Variants in PTCHD4 observed in about 807,000 individuals in gnomAD.
The protein encoded by PTCHD4 is patched domain containing 4, also known as patched domain-containing protein 4.
PTCHD4 carries 33 observed loss-of-function variants against 58.1 expected under a neutral mutation model. That is an observed-to-expected ratio of 0.57 (90% CI 0.43 to 0.76). PTCHD4 has a LOEUF of 0.76. Among genes scored for constraint, PTCHD4 ranks in the 30% least tolerant of loss-of-function variants. PTCHD4 has a pLI of 0.00. For missense variants in PTCHD4, 1,058 were observed against 1,027.1 expected (o/e 1.03, Z -0.41); for synonymous variants, 478 against 409.6 (o/e 1.17, Z -2.02).
At chr6:48,041,831 ACT>A (rs1037684669) in intron 3 of PTCHD4, among the ~76,000 whole-genome samples, 5 of 151,212 alleles carry the variant, frequency 3.3e-5, no homozygotes, top group Admixed American at 6.6e-5. Flanking sequence ...TTTCTTTTTT[ACT>A]CTCTTTTTCT....
intron 4 of PTCHD4, among the ~76,000 whole-genome samples, chr6:47,939,924 C>G (rs1189806992): frequency 1.3e-5 from 2 of 152,038 alleles, no homozygotes; most frequent in Non-Finnish European, 2.9e-5. Context: ...TGCTGAACTC[C>G]ATACTTTCCA....
At chr6:48,077,449 C>T (rs1765081764) in intron 1 of PTCHD4, among the ~76,000 whole-genome samples, 1 of 152,144 alleles carries the variant, frequency 6.6e-6, no homozygotes, top group Non-Finnish European at 1.5e-5. Flanking sequence ...CTTACTACAG[C>T]TTTTTTATTA....
At chr6:47,905,402 T>C (rs1481501722) in intron 4 of PTCHD4, among the ~76,000 whole-genome samples, 1 of 152,148 alleles carries the variant, frequency 6.6e-6, no homozygotes, top group Non-Finnish European at 1.5e-5. Context: ...GGGTCTATGG[T>C]TTAATTCAGC....
intron 1 of PTCHD4, among the ~76,000 whole-genome samples, chr6:48,079,135 A>AAAC (rs1765116778): frequency 6.6e-6 from 1 of 151,318 alleles, no homozygotes; most frequent in African/African-American, 2.4e-5. Flanking sequence ...AAAAAAAAAA[A>AAAC]GAAATTGCAT....
chr6:48,059,972 A>C (rs937444195), intron 3 of PTCHD4, among the ~76,000 whole-genome samples: 3 of 152,190 alleles, frequency 2.0e-5, no homozygotes, highest in Admixed American at 2.0e-4. Context: ...TTGGTATTCT[A>C]TTCTCACAGC....
intron 4 of PTCHD4, among the ~76,000 whole-genome samples, chr6:47,886,687 C>T (rs1459415733): frequency 6.6e-6 from 1 of 152,170 alleles, no homozygotes; most frequent in Non-Finnish European, 1.5e-5. Context: ...CTCAGTCCAG[C>T]AAAGCAGATG....
intron 4 of PTCHD4, among the ~76,000 whole-genome samples, chr6:47,885,930 A>G (rs1581826671): frequency 6.6e-6 from 1 of 151,904 alleles, no homozygotes; most frequent in African/African-American, 2.4e-5. Context: ...GTAATTCTCC[A>G]GCCTTAGCCT....
intron 3 of PTCHD4, among the ~76,000 whole-genome samples, chr6:48,032,927 GT>G (rs375207258): frequency 7.0e-4 from 106 of 152,214 alleles, no homozygotes; most frequent in African/African-American, 2.5e-3. Context: ...TGGAATCGGT[GT>G]TTGATTTTGT....
At chr6:48,060,050 C>T (rs1025575718) in intron 3 of PTCHD4, among the ~76,000 whole-genome samples, 4 of 152,112 alleles carry the variant, frequency 2.6e-5, no homozygotes, top group Non-Finnish European at 5.9e-5. Flanking sequence ...TGTGTGTGTG[C>T]TTTCTTTAAC....
rs1763863514 is a variant in PTCHD4 at position 47,876,922 on chromosome 6, G to A, written c.*1381C>T. ...AGTTATAGTTAATATCCCACCTGTG[G>A]AGAGCTGCGATCACCCTAGGAGGTG... On this transcript the variant is annotated 3_prime_UTR_variant, in exon 5 of 5. Coordinates refer to ENST00000339488, the MANE Select transcript of PTCHD4 (RefSeq NM_001384253.1). 1.3e-5 allele frequency among the ~76,000 whole-genome samples: 2 copies of A among 151,910 alleles called. No homozygotes were observed. Among genetic ancestry groups the A allele is most frequent in the African/African-American group, 4.8e-5 (2 of 41,376 alleles).
chr6:47,880,072 C>A, intron 4 of PTCHD4, 136 bp from the exon 5 acceptor site: 1 of 714,490 alleles, frequency 1.4e-6, no homozygotes. Context: ...CTATCAGGGC[C>A]TCAAAAGTTG....
intron 1 of PTCHD4, among the ~76,000 whole-genome samples, chr6:48,072,004 A>G (rs1764983317): frequency 6.6e-6 from 1 of 152,198 alleles, no homozygotes; most frequent in African/African-American, 2.4e-5. Flanking sequence ...CATTCTTTCA[A>G]AGTGACTTAT....
chr6:47,938,070 G>A (rs180890525), intron 4 of PTCHD4, among the ~76,000 whole-genome samples: 111 of 152,126 alleles, frequency 7.3e-4, no homozygotes, highest in African/African-American at 2.5e-3. Flanking sequence ...GGAGAACTGC[G>A]TGAACCCGGG....
chr6:47,859,093 A>G lies in PTCHD4; in HGVS notation c.*19210T>C, dbSNP rs1230104706. Among the ~76,000 whole-genome samples, 1 of 152,030 alleles carries G rather than the reference A, an allele frequency of 6.6e-6. No individual in the cohort carries two copies. Among genetic ancestry groups the G allele is most frequent in the Non-Finnish European group, 1.5e-5 (1 of 67,964 alleles). On this transcript the variant is annotated 3_prime_UTR_variant, in exon 5 of 5. Transcript: ENST00000339488. ...CAGATAATATATTTTATTCACGCTTATGTCAGGGTAACTTTGTGTATTTGT... is the reference window on the plus strand; with the variant it reads ...CAGATAATATATTTTATTCACGCTTGTGTCAGGGTAACTTTGTGTATTTGT...
intron 4 of PTCHD4, among the ~76,000 whole-genome samples, chr6:47,999,213 G>T (rs944594421): frequency 6.6e-6 from 1 of 152,042 alleles, no homozygotes; most frequent in African/African-American, 2.4e-5. Context: ...GGAGGCCCAG[G>T]GACAAGACAT....
chr6:48,089,771 A>G (rs1478181067), intron 1 of PTCHD4, among the ~76,000 whole-genome samples: 1 of 152,212 alleles, frequency 6.6e-6, no homozygotes, highest in African/African-American at 2.4e-5. Context: ...TCTTATTCCC[A>G]AAGTTGTGAA....
chr6:47,926,346 A>T (rs1765613456), intron 4 of PTCHD4, among the ~76,000 whole-genome samples: 2 of 152,180 alleles, frequency 1.3e-5, no homozygotes, highest in South Asian at 4.1e-4. Context: ...TAGAACTAGG[A>T]TACTATTTTT....
At position 48,072,666 on chromosome 6, in the gene PTCHD4, C is replaced by T. The variant is rs920994844; in HGVS notation, c.-969-2740G>A. On this transcript the variant is annotated intron_variant, in intron 1 of 4. Transcript: ENST00000339488. ...AGCAATGACATTACATGGATGTATA[C>T]TTATCTATATCTGTGTGTGTGTGTT... Among the ~76,000 whole-genome samples the T allele has an allele frequency of 3.3e-5, 5 of 152,164 alleles. No individual in the cohort carries two copies. In the East Asian group the frequency reaches 7.7e-4, roughly 24 times the overall value.
intron 1 of PTCHD4, among the ~76,000 whole-genome samples, chr6:48,109,377 A>T (rs1765813334): frequency 6.6e-6 from 1 of 152,176 alleles, no homozygotes; most frequent in Non-Finnish European, 1.5e-5. Context: ...GTATTAAAAA[A>T]GTAGTAAAAC....
Sources: allele counts gnomAD v4.1 joint callset (sites outside exome capture counted in the v4.1 genomes callset), GRCh38; gene constraint gnomAD v4.1.1; transcripts MANE v1.5; gene names NCBI Gene and HGNC (gene_info 2026-07-23, HGNC 2026-07-21).